The following TMEM132D variants were observed in gnomAD, a reference collection of about 807,000 sequenced individuals.
TMEM132D encodes the protein mature OL transmembrane protein.
In TMEM132D, 21 loss-of-function variants were observed where a neutral mutation model predicts 62.3. The ratio of observed to expected loss-of-function variants is 0.34; its 90% CI spans 0.24 to 0.49. TMEM132D has a LOEUF of 0.49. TMEM132D is among the 20% of genes least tolerant of loss of function. TMEM132D has a pLI of 0.99. For synonymous variants in TMEM132D, 621 were observed against 575.6 expected, an observed-to-expected ratio of 1.08 and a Z score of -1.13; for missense variants, 1,346 against 1,402.8, an observed-to-expected ratio of 0.96 and a Z score of 0.65.
chr12:129,536,944 G>A (rs1876407310), intron 2 of TMEM132D, among the ~76,000 whole-genome samples: 1 of 152,046 alleles, frequency 6.6e-6, no homozygotes, highest in Non-Finnish European at 1.5e-5. Flanking sequence ...ATCACCTGAG[G>A]CCGGGAGTTC....
At chr12:129,826,715 T>G (rs997474664) in intron 1 of TMEM132D, among the ~76,000 whole-genome samples, 1 of 152,164 alleles carries the variant, frequency 6.6e-6, no homozygotes, top group African/African-American at 2.4e-5. Context: ...TTTGTAGGTA[T>G]GGACACATTC....
intron 3 of TMEM132D, among the ~76,000 whole-genome samples, chr12:129,340,415 G>A (rs760298450): frequency 1.3e-4 from 19 of 151,750 alleles, no homozygotes; most frequent in African/African-American, 4.6e-4. Flanking sequence ...CTATTAACTC[G>A]TCATTTACAT....
intron 2 of TMEM132D, among the ~76,000 whole-genome samples, chr12:129,595,927 T>C (rs903157183): frequency 6.6e-6 from 1 of 152,172 alleles, no homozygotes; most frequent in African/African-American, 2.4e-5. Flanking sequence ...TTCTACATTA[T>C]TGTTTGGCCA....
At chr12:129,602,040 T>C (rs533576258) in intron 2 of TMEM132D, among the ~76,000 whole-genome samples, 1 of 152,316 alleles carries the variant, frequency 6.6e-6, no homozygotes, top group Admixed American at 6.5e-5. Context: ...TTTTGAGTGG[T>C]ATAATAATGA....
At chr12:129,242,893 A>AAATTAAT (rs1879973428) in intron 4 of TMEM132D, among the ~76,000 whole-genome samples, 1 of 152,264 alleles carries the variant, frequency 6.6e-6, no homozygotes, top group African/African-American at 2.4e-5. Flanking sequence ...AGTGAATAAA[A>AAATTAAT]CAACAGGCTT....
At chr12:129,232,050 C>T (rs1490092595) in intron 4 of TMEM132D, among the ~76,000 whole-genome samples, 5 of 152,224 alleles carry the variant, frequency 3.3e-5, no homozygotes, top group East Asian at 1.9e-4. Context: ...CTTAGCTGTA[C>T]ATTGGAATCA....
intron 5 of TMEM132D, among the ~76,000 whole-genome samples, chr12:129,186,410 G>C (rs771087575): frequency 2.0e-5 from 3 of 152,142 alleles, no homozygotes; most frequent in Non-Finnish European, 2.9e-5. Context: ...CCACTGAGAG[G>C]GGTCCAGATG....
chr12:129,104,789 A>G (rs1163354179), intron 5 of TMEM132D, among the ~76,000 whole-genome samples: 2 of 149,056 alleles, frequency 1.3e-5, no homozygotes, highest in Non-Finnish European at 2.9e-5. Context: ...AACACATGAA[A>G]AAATGCTCAT....
intron 3 of TMEM132D, among the ~76,000 whole-genome samples, chr12:129,410,534 A>T (rs553935050): frequency 2.0e-5 from 3 of 151,808 alleles, no homozygotes; most frequent in African/African-American, 7.3e-5. Flanking sequence ...TAATTTTTGT[A>T]TTTTTAGTAC....
intron 3 of TMEM132D, among the ~76,000 whole-genome samples, chr12:129,441,815 A>T (rs750826455): frequency 1.3e-5 from 2 of 152,212 alleles, no homozygotes; most frequent in Non-Finnish European, 2.9e-5. Context: ...ATAAAAAAAT[A>T]ATGAAATCAT....
intron 3 of TMEM132D, among the ~76,000 whole-genome samples, chr12:129,429,582 C>CTTT (rs369972389): frequency 6.3e-5 from 9 of 143,738 alleles, no homozygotes; most frequent in African/African-American, 2.3e-4. Flanking sequence ...CTAATTCTTT[C>CTTT]TTTTTTTTTT....
At chr12:129,167,394 G>A (rs556243543) in intron 5 of TMEM132D, among the ~76,000 whole-genome samples, 16 of 152,180 alleles carry the variant, frequency 1.1e-4, no homozygotes, top group East Asian at 1.9e-4. Flanking sequence ...GCTTCCCCAC[G>A]CAACTCATTT....
At chr12:129,533,609 G>A (rs1188230877) in intron 2 of TMEM132D, among the ~76,000 whole-genome samples, 2 of 152,186 alleles carry the variant, frequency 1.3e-5, no homozygotes, top group East Asian at 3.8e-4. Flanking sequence ...AGGCTATGTG[G>A]AATTCAGATG....
At chr12:129,154,268 A>G (rs1221211604) in intron 5 of TMEM132D, among the ~76,000 whole-genome samples, 1 of 152,194 alleles carries the variant, frequency 6.6e-6, no homozygotes, top group African/African-American at 2.4e-5. Context: ...ACCAGGTAGC[A>G]GACACAAGAG....
At chr12:129,247,214 T>C (rs1880144875) in intron 4 of TMEM132D, among the ~76,000 whole-genome samples, 1 of 152,218 alleles carries the variant, frequency 6.6e-6, no homozygotes. Flanking sequence ...TTTCTAACTC[T>C]TCAAATTTGG....
At chr12:129,680,965 A>T (rs1880762193) in intron 2 of TMEM132D, among the ~76,000 whole-genome samples, 2 of 152,214 alleles carry the variant, frequency 1.3e-5, no homozygotes, top group African/African-American at 4.8e-5. Flanking sequence ...GGAGAGAATT[A>T]TCCTGACTCC....
chr12:129,245,685 C>T (rs1880081535), intron 4 of TMEM132D, among the ~76,000 whole-genome samples: 1 of 151,970 alleles, frequency 6.6e-6, no homozygotes, highest in South Asian at 2.1e-4. Flanking sequence ...TGAGAGTGGC[C>T]AGCAGGGCAG....
At chr12:129,838,614 T>C (rs1237141893) in intron 1 of TMEM132D, among the ~76,000 whole-genome samples, 1 of 152,170 alleles carries the variant, frequency 6.6e-6, no homozygotes, top group Non-Finnish European at 1.5e-5. Flanking sequence ...TATGATCAAG[T>C]GTTATTTTAA....
intron 1 of TMEM132D, among the ~76,000 whole-genome samples, chr12:129,758,315 A>C (rs4759599): frequency 0.95 from 144,925 of 152,292 alleles, 69,368 homozygotes; most frequent in East Asian, 1. Flanking sequence ...CTTCAACTCG[A>C]ATAATTCCTA....
Sources: gnomAD v4.1 joint callset for allele counts (sites outside exome capture counted in the v4.1 genomes callset) on GRCh38, gnomAD v4.1.1 for gene constraint, MANE v1.5 for transcripts, NCBI Gene and HGNC (gene_info 2026-07-23, HGNC 2026-07-21) for gene names.